The following MRLN variants were observed in gnomAD, a reference collection of about 807,000 sequenced individuals.
MRLN encodes Linc-RNA activator of myogenesis.
At chr10:59,745,455 T>C (rs1244105177) in intron 1 of MRLN, among the ~76,000 whole-genome samples, 1 of 150,130 alleles carries the variant, frequency 6.7e-6, no homozygotes. Flanking sequence ...ATTTTTTTTA[T>C]GTTGAAACTT....
chr10:59,737,646 A>G (rs1840938406), intron 2 of MRLN, among the ~76,000 whole-genome samples: 1 of 146,626 alleles, frequency 6.8e-6, no homozygotes, highest in Non-Finnish European at 1.5e-5. Context: ...GCAGGTACTG[A>G]TCAAAAAAAA....
At chr10:59,750,852 TGGGTGCAGGATGCAGAAAC>T (rs1027452629) in intron 1 of MRLN, among the ~76,000 whole-genome samples, 5 of 152,062 alleles carry the variant, frequency 3.3e-5, no homozygotes, top group Admixed American at 1.3e-4. Flanking sequence ...GATGCAGAAA[TGGGTGCAGGATGCAGAAAC>T]GGGTGCAGGA....
intron 2 of MRLN, among the ~76,000 whole-genome samples, chr10:59,737,853 G>T (rs1171585): frequency 6.6e-6 from 1 of 152,098 alleles, no homozygotes; most frequent in African/African-American, 2.4e-5. Flanking sequence ...ACATTTAGAA[G>T]CATTCTTAAT....
intron 1 of MRLN, chr10:59,744,723 GA>G (rs1222820564): frequency 6.4e-6 from 1 of 155,798 alleles, no homozygotes; most frequent in Non-Finnish European, 1.4e-5. Context: ...TGTCTGTGTA[GA>G]AAGAAGTAGA....
intron 1 of MRLN, chr10:59,739,639 T>G (rs1028270544): frequency 1.3e-5 from 2 of 152,226 alleles, no homozygotes; most frequent in Non-Finnish European, 2.9e-5. Flanking sequence ...GTATTATGTT[T>G]TAGTATTTTG....
chr10:59,742,072 C>G (rs554416175), intron 1 of MRLN, among the ~76,000 whole-genome samples: 2 of 152,164 alleles, frequency 1.3e-5, no homozygotes, highest in African/African-American at 4.8e-5. Context: ...CTACTTATAA[C>G]CACCCATTAC....
At chr10:59,747,942 T>A (rs1424440979) in intron 1 of MRLN, among the ~76,000 whole-genome samples, 1 of 152,230 alleles carries the variant, frequency 6.6e-6, no homozygotes, top group African/African-American at 2.4e-5. Flanking sequence ...CAAATAATTT[T>A]AAAAATAAAA....
Position 59,744,480 on chromosome 10 carries a change from C to A in MRLN, c.-124-5918G>T, listed in dbSNP as rs868686217. Among the ~76,000 whole-genome samples, 4 of 150,264 alleles carry A rather than the reference C, an allele frequency of 2.7e-5. No individual in the cohort carries two copies. In the South Asian group the frequency reaches 8.5e-4, roughly 32 times the overall value. On this transcript the variant is annotated intron_variant, in intron 1 of 2. Coordinates refer to ENST00000414264, the MANE Select transcript of MRLN (RefSeq NM_001304731.2). Reference sequence around the variant, plus strand: ...GCCGCGCCCGGCCAGCCGCCCCGTCCGGGAGGTGGGGGGCAGCCCCCGCCC... The same window carrying A: ...GCCGCGCCCGGCCAGCCGCCCCGTCAGGGAGGTGGGGGGCAGCCCCCGCCC...
chr10:59,751,236 G>A (rs1219054183), intron 1 of MRLN, among the ~76,000 whole-genome samples: 6 of 152,182 alleles, frequency 3.9e-5, no homozygotes, highest in African/African-American at 1.4e-4. Flanking sequence ...CTTTAGAGCA[G>A]AAATGATATC....
intron 1 of MRLN, among the ~76,000 whole-genome samples, chr10:59,750,428 T>C (rs1841090466): frequency 6.6e-6 from 1 of 152,218 alleles, no homozygotes; most frequent in Non-Finnish European, 1.5e-5. Flanking sequence ...AAGCCATTGA[T>C]GGCCATGCCT....
chr10:59,751,427 C>G (rs190414314), intron 1 of MRLN, among the ~76,000 whole-genome samples: 1 of 151,940 alleles, frequency 6.6e-6, no homozygotes, highest in East Asian at 1.9e-4. Flanking sequence ...TTTGGGAGAC[C>G]AAGGCGGTGG....
chr10:59,746,073 A>C (rs1349043424), intron 1 of MRLN, among the ~76,000 whole-genome samples: 1 of 152,240 alleles, frequency 6.6e-6, no homozygotes, highest in Non-Finnish European at 1.5e-5. Context: ...TATACTTTGC[A>C]AAGTCCCTTT....
At chr10:59,752,460 G>T (rs1006801244) in intron 1 of MRLN, among the ~76,000 whole-genome samples, 2 of 152,188 alleles carry the variant, frequency 1.3e-5, no homozygotes, top group Non-Finnish European at 2.9e-5. Context: ...CAGAGTGGTT[G>T]AGTACTTTCT....
chr10:59,743,731 A>G (rs763555231), intron 1 of MRLN, among the ~76,000 whole-genome samples: 2 of 151,756 alleles, frequency 1.3e-5, no homozygotes, highest in South Asian at 2.1e-4. Context: ...GCTGGACTGT[A>G]CTGCTGCCAT....
At chr10:59,742,969 A>C (rs965102360) in intron 1 of MRLN, among the ~76,000 whole-genome samples, 13 of 152,074 alleles carry the variant, frequency 8.5e-5, no homozygotes, top group African/African-American at 2.9e-4. Flanking sequence ...GCCTCCAGTG[A>C]TCCTCCTGCC....
chr10:59,740,504 G>A (rs1296928221), intron 1 of MRLN, among the ~76,000 whole-genome samples: 3 of 152,052 alleles, frequency 2.0e-5, no homozygotes, highest in Non-Finnish European at 2.9e-5. Context: ...CGACGTGGAC[G>A]ACAGTGATAT....
intron 1 of MRLN, among the ~76,000 whole-genome samples, chr10:59,747,601 G>A (rs1258888757): frequency 6.6e-6 from 1 of 152,186 alleles, no homozygotes; most frequent in Non-Finnish European, 1.5e-5. Context: ...TTCATCCTTT[G>A]AGATTCAATC....
chr10:59,752,802 G>C (rs945798553), intron 1 of MRLN, among the ~76,000 whole-genome samples: 2 of 142,430 alleles, frequency 1.4e-5, no homozygotes, highest in Non-Finnish European at 3.0e-5. Flanking sequence ...AGGCTGCAAA[G>C]ACAAAGAAAG....
intron 1 of MRLN, among the ~76,000 whole-genome samples, chr10:59,751,740 T>C (rs1279180952): frequency 6.6e-6 from 1 of 151,892 alleles, no homozygotes; most frequent in African/African-American, 2.4e-5. Flanking sequence ...ATTCTGACTT[T>C]TATAGACCCC....
Sources: gnomAD v4.1 joint callset for allele counts (sites outside exome capture counted in the v4.1 genomes callset) on GRCh38, gnomAD v4.1.1 for gene constraint, MANE v1.5 for transcripts, NCBI Gene and HGNC (gene_info 2026-07-23, HGNC 2026-07-21) for gene names.